GFOD1: variants seen among roughly 807,000 people sequenced by gnomAD.
The protein encoded by GFOD1 is glucose-fructose oxidoreductase domain-containing protein 1.
In GFOD1, 9 loss-of-function variants were observed where a neutral mutation model predicts 25.4. The ratio of observed to expected loss-of-function variants is 0.35; its 90% CI spans 0.21 to 0.62. The LOEUF is 0.62. Among genes scored for constraint, GFOD1 ranks in the 20% least tolerant of loss-of-function variants. The probability of loss-of-function intolerance (pLI) is 0.72; values close to 1 mark genes in which losing one functional copy is unlikely to be tolerated. For synonymous variants in GFOD1, 253 were observed against 245.6 expected, an observed-to-expected ratio of 1.03 and a Z score of -0.28; for missense variants, 403 against 556.9, an observed-to-expected ratio of 0.72 and a Z score of 2.78.
chr6:13,433,598 G>T (rs1757786367), intron 1 of GFOD1, among the ~76,000 whole-genome samples: 1 of 152,304 alleles, frequency 6.6e-6, no homozygotes, highest in Non-Finnish European at 1.5e-5. Flanking sequence ...ACATCACTGG[G>T]TTAAGCTAAA....
At chr6:13,384,782 C>G (rs1785432246) in intron 1 of GFOD1, among the ~76,000 whole-genome samples, 1 of 152,154 alleles carries the variant, frequency 6.6e-6, no homozygotes, top group Non-Finnish European at 1.5e-5. Flanking sequence ...CTCTGATGCA[C>G]TGTAAAATAA....
In GFOD1 at chr6:13,364,965, G is replaced by T; in HGVS notation, c.951C>A (p.Phe317Leu). ...IKMMQAVRQA[F>L]QDQDDRRTWD... ...ACGTGCGCCGGTCGTCCTGGTCCTG[G>T]AAGGCCTGGCGCACCGCCTGCATCA... Residue 317 changes from phenylalanine to leucine, a missense_variant, in exon 2 of 2, where the codon TTC becomes TTA. Phe to Leu is a conservative substitution (Grantham distance 22). Transcript: ENST00000379287. The surrounding 1 kb of genome is among the most constrained non-coding windows in gnomAD (Gnocchi z 4.1). The T allele has an allele frequency of 6.2e-7, 1 of 1,610,008 alleles. No homozygotes were observed. Among genetic ancestry groups the T allele is most frequent in the Non-Finnish European group, 8.5e-7 (1 of 1,179,732 alleles).
intron 1 of GFOD1, among the ~76,000 whole-genome samples, chr6:13,446,054 T>C (rs1757997574): frequency 6.6e-6 from 1 of 152,202 alleles, no homozygotes; most frequent in Non-Finnish European, 1.5e-5. Flanking sequence ...AAAAATAGAC[T>C]AGCAGAGGGA....
chr6:13,486,044 T>A (rs1758857913), intron 1 of GFOD1: 3 of 985,558 alleles, frequency 3.0e-6, no homozygotes, highest in Non-Finnish European at 3.6e-6. Flanking sequence ...CAGCCGATGG[T>A]AACATCTGCA....
intron 1 of GFOD1, among the ~76,000 whole-genome samples, chr6:13,452,664 C>T (rs1168271026): frequency 1.3e-5 from 2 of 152,182 alleles, no homozygotes; most frequent in Admixed American, 1.3e-4. Flanking sequence ...CTCTTTTTGT[C>T]TACTCCTCAA....
chr6:13,393,436 C>T (rs1040965471), intron 1 of GFOD1, among the ~76,000 whole-genome samples: 1 of 150,900 alleles, frequency 6.6e-6, no homozygotes. Context: ...ATAGTCATGC[C>T]CCTTCCCCTG....
At chr6:13,419,040 T>C (rs1438940922) in intron 1 of GFOD1, among the ~76,000 whole-genome samples, 1 of 152,152 alleles carries the variant, frequency 6.6e-6, no homozygotes, top group East Asian at 1.9e-4. Context: ...GGTTCCTGGC[T>C]TTGTGTTTTT....
chr6:13,374,269 T>TGTG (rs1388428104), intron 1 of GFOD1, among the ~76,000 whole-genome samples: 2,641 of 121,684 alleles, frequency 0.022, 53 homozygotes, highest in African/African-American at 0.063. Context: ...AATATGTTTT[T>TGTG]TTTTTGTGTG....
chr6:13,418,242 C>T (rs1196354428), intron 1 of GFOD1, among the ~76,000 whole-genome samples: 2 of 152,116 alleles, frequency 1.3e-5, no homozygotes, highest in African/African-American at 2.4e-5. Flanking sequence ...TAAATCATAA[C>T]AAGATGGAGA....
chr6:13,428,821 T>A (rs533517082), intron 1 of GFOD1, among the ~76,000 whole-genome samples: 2 of 152,264 alleles, frequency 1.3e-5, no homozygotes, highest in Admixed American at 6.5e-5. Flanking sequence ...TGGCCCTCCA[T>A]CAGAAGCGGA....
In GFOD1 at chr6:13,360,837, G is replaced by A. The variant is rs181885154; in HGVS notation, c.*3906C>T. The A allele has an allele frequency of 1.5e-4, 67 of 456,676 alleles. 2 individuals carry two copies. The highest frequency in any genetic ancestry group is 1.4e-3 in the East Asian group (20 of 14,394). 28.3% of individuals were successfully genotyped at this position (456,676 alleles called of 1,614,324 possible). A position where few individuals can be genotyped will look rare whatever the true frequency, so the allele number is the denominator to read the frequency against. ...GACCCCGTAGACATTGATAAGGAGC[G>A]GTTTCCTGCCTGGCAAGAACAGGAG... is the stretch of plus-strand genomic sequence containing the variant. On this transcript the variant is annotated 3_prime_UTR_variant, in exon 2 of 2. Transcript: ENST00000379287.
At chr6:13,466,718 C>T (rs1031949320) in intron 1 of GFOD1, among the ~76,000 whole-genome samples, 10 of 152,188 alleles carry the variant, frequency 6.6e-5, no homozygotes, top group Non-Finnish European at 1.3e-4. Context: ...ACCTGCTTCA[C>T]GAGGCATCTG....
chr6:13,413,646 C>T (rs995002481), intron 1 of GFOD1, among the ~76,000 whole-genome samples: 1 of 152,140 alleles, frequency 6.6e-6, no homozygotes, highest in Non-Finnish European at 1.5e-5. Flanking sequence ...AAAAAAGCAC[C>T]ACTCTGAAGC....
chr6:13,360,577 G>C lies in GFOD1; in HGVS notation c.*4166C>G, dbSNP rs1784931416. 2.5e-6 allele frequency: 1 copy of C among 403,378 alleles called. No homozygotes were observed. Among genetic ancestry groups the C allele is most frequent in the African/African-American group, 2.0e-5 (1 of 48,926 alleles). The allele number at this position is 403,378 out of a possible 1,614,324, so 25.0% of individuals were successfully genotyped here. ...GATTTTGAAAATCCCCAGCCCTGAG[G>C]CTTGCTGCATCACCTACAATCAAAA... On this transcript the variant is annotated 3_prime_UTR_variant, in exon 2 of 2. Transcript: ENST00000379287.
chr6:13,454,196 G>A, intron 1 of GFOD1, among the ~76,000 whole-genome samples: 1 of 152,158 alleles, frequency 6.6e-6, no homozygotes, highest in East Asian at 1.9e-4. Context: ...GGACAGGGCT[G>A]GAACAGACTC....
chr6:13,459,880 T>A (rs2127575249), intron 1 of GFOD1, among the ~76,000 whole-genome samples: 1 of 152,328 alleles, frequency 6.6e-6, no homozygotes, highest in East Asian at 1.9e-4. Context: ...ACACCTGTAA[T>A]CCCAGCACTT....
intron 1 of GFOD1, among the ~76,000 whole-genome samples, chr6:13,377,406 C>G (rs1195408917): frequency 6.6e-6 from 1 of 152,194 alleles, no homozygotes; most frequent in African/African-American, 2.4e-5. Context: ...CTCATTCAGG[C>G]TGTTGGTTGA....
intron 1 of GFOD1, among the ~76,000 whole-genome samples, chr6:13,388,874 G>A (rs1049456407): frequency 5.3e-5 from 8 of 152,034 alleles, no homozygotes; most frequent in African/African-American, 1.7e-4. Flanking sequence ...TCTGACAAAG[G>A]GCTAATAGCC....
intron 1 of GFOD1, chr6:13,485,911 A>C (rs898815017): frequency 9.5e-6 from 5 of 525,584 alleles, no homozygotes; most frequent in Middle Eastern, 9.8e-4. Context: ...AAAAGTTAAA[A>C]CCCCCTGGTT....
Sources: allele counts gnomAD v4.1 joint callset (sites outside exome capture counted in the v4.1 genomes callset), GRCh38; gene constraint gnomAD v4.1.1; non-coding constraint Gnocchi (gnomAD v3.1); transcripts MANE v1.5; gene names NCBI Gene and HGNC (gene_info 2026-07-23, HGNC 2026-07-21).